The following PRPF39 variants were observed in gnomAD, a reference collection of about 807,000 sequenced individuals.
PRPF39 encodes pre-mRNA-processing factor 39.
Under a neutral mutation model 82.1 loss-of-function variants are expected in PRPF39, and 27 were observed. The observed-to-expected ratio is 0.33, with a 90% CI of 0.24 to 0.45. The LOEUF (loss-of-function observed/expected upper bound fraction) is 0.45, where lower values mean the gene tolerates loss of function less well. Among genes scored for constraint, PRPF39 ranks in the 20% least tolerant of loss-of-function variants. PRPF39 has a pLI of 1.00. For missense variants in PRPF39, 581 were observed against 796.9 expected (o/e 0.73, Z 3.26); for synonymous variants, 261 against 256.4 (o/e 1.02, Z -0.17).
chr14:45,098,156 T>C (rs1218462498), intron 4 of PRPF39, among the ~76,000 whole-genome samples: 1 of 152,200 alleles, frequency 6.6e-6, no homozygotes, highest in Non-Finnish European at 1.5e-5. Context: ...GGCTTATACC[T>C]GTAATCCCAG....
rs775641227 is a variant in PRPF39, at chr14:45,109,726, T to A, written c.1122T>A (p.Val374=). ...IENGTHERVV[V]LFERCVISCA... is the part of the protein sequence containing the mutation. ...ATGGGACTCATGAACGAGTTGTGGT[T>A]CTCTTTGAAAGATGTGTCATATCAT... The change falls in exon 8 of 14, where the codon GTT becomes GTA. Residue 374 remains valine, a synonymous_variant. Coordinates refer to ENST00000355765, the MANE Select transcript of PRPF39 (RefSeq NM_017922.4). 3.7e-6 allele frequency: 6 copies of A among 1,608,792 alleles called. No individual in the cohort carries two copies. The Admixed American group carries it at 1.0e-4, about 27-fold the overall frequency.
At chr14:45,114,382 T>C in intron 12 of PRPF39, 112 bp from the exon 13 acceptor site, 1 of 1,346,110 alleles carries the variant, frequency 7.4e-7, no homozygotes, top group Non-Finnish European at 1.0e-6. Flanking sequence ...TTTGAAAAAG[T>C]CTTGAGTGAT....
intron 4 of PRPF39, among the ~76,000 whole-genome samples, chr14:45,100,901 C>G (rs1884354412): frequency 1.3e-5 from 2 of 152,040 alleles, no homozygotes; most frequent in Admixed American, 6.6e-5. Context: ...TTTGTTCTAA[C>G]TTTTCTATAG....
intron 1 of PRPF39, among the ~76,000 whole-genome samples, chr14:45,084,821 T>C (rs1883770093): frequency 6.6e-6 from 1 of 152,196 alleles, no homozygotes; most frequent in Non-Finnish European, 1.5e-5. Flanking sequence ...TGCTTAAGAA[T>C]GTTTAACTTT....
intron 1 of PRPF39, among the ~76,000 whole-genome samples, chr14:45,092,571 C>T (rs1041202130): frequency 1.0e-4 from 15 of 146,766 alleles, no homozygotes; most frequent in Middle Eastern, 3.5e-3. Flanking sequence ...ACTGCACTCC[C>T]GCCTGGGTGA....
At chr14:45,095,018 C>T (rs1230348841) in intron 1 of PRPF39, among the ~76,000 whole-genome samples, 1 of 152,132 alleles carries the variant, frequency 6.6e-6, no homozygotes, top group Non-Finnish European at 1.5e-5. Context: ...ATACCAACAA[C>T]AAAATGGCAG....
chr14:45,091,715 A>G (rs1884033479), intron 1 of PRPF39, among the ~76,000 whole-genome samples: 1 of 152,344 alleles, frequency 6.6e-6, no homozygotes, highest in East Asian at 1.9e-4. Flanking sequence ...TTACTTACTC[A>G]TAGTTAAGGA....
intron 11 of PRPF39, 55 bp downstream of exon 11, chr14:45,112,557 G>C: frequency 7.2e-7 from 1 of 1,391,932 alleles, no homozygotes. Flanking sequence ...TGATATTTTT[G>C]TATGGGGATT....
intron 4 of PRPF39, 32 bp downstream of exon 4, chr14:45,097,037 T>A: frequency 6.7e-7 from 1 of 1,497,992 alleles, no homozygotes; most frequent in Non-Finnish European, 8.9e-7. Context: ...AAATGTTTTT[T>A]ATGATATAAA....
chr14:45,088,604 A>G (rs1883918639), intron 1 of PRPF39, among the ~76,000 whole-genome samples: 1 of 152,232 alleles, frequency 6.6e-6, no homozygotes, highest in South Asian at 2.1e-4. Context: ...GTACATTTAG[A>G]CAAGTTATTT....
At position 45,112,400 on chromosome 14, in the gene PRPF39, G is replaced by A. The variant is rs1884722858; in HGVS notation, c.1655G>A (p.Cys552Tyr). 8 of 1,579,752 alleles carry A rather than the reference G, an allele frequency of 5.1e-6. No individual in the cohort carries two copies. In the East Asian group the frequency reaches 1.1e-4, roughly 23 times the overall value. ...CAAAATGAAGAAAATATCCTAAATT[G>A]TTTTGACAAAGCTGTACATGGTTCA... ...LKQNEENILN[C>Y]FDKAVHGSLP... The change falls in exon 11 of 14, where the codon TGT (cysteine) becomes TAT (tyrosine). Residue 552 changes from cysteine (C) to tyrosine (Y), a missense_variant. Physicochemically the swap from Cys to Tyr is radical, Grantham distance 194. Transcript: ENST00000355765.
chr14:45,107,759 T>TTG, intron 6 of PRPF39, 143 bp downstream of exon 6: 1 of 779,340 alleles, frequency 1.3e-6, no homozygotes, highest in Non-Finnish European at 2.0e-6. Context: ...TGAAACCCTG[T>TTG]CTATACTAAA....
rs1178724100 is a variant in PRPF39 at position 45,114,270 on chromosome 14, T to TA, written c.1832+13_1832+14insA. 1 of 1,569,174 alleles carries TA rather than the reference T, an allele frequency of 6.4e-7. No individual in the cohort carries two copies. The highest frequency in any genetic ancestry group is 1.7e-5 in the Admixed American group (1 of 57,826). On this transcript the variant is annotated intron_variant, in intron 12 of 13. Transcript: ENST00000355765. ...AAGCAGAAAATGGGTATGTCACTTT[T>TA]TGCTAAGTCAAGAAGGCGTGCTTCA...
At chr14:45,090,347 A>T (rs1187475648) in intron 1 of PRPF39, among the ~76,000 whole-genome samples, 4 of 151,916 alleles carry the variant, frequency 2.6e-5, no homozygotes, top group Admixed American at 6.6e-5. Context: ...ACTACTTTGG[A>T]CTCTCTTTTA....
intron 1 of PRPF39, among the ~76,000 whole-genome samples, chr14:45,093,951 C>T (rs972282521): frequency 6.6e-6 from 1 of 152,096 alleles, no homozygotes; most frequent in East Asian, 1.9e-4. Flanking sequence ...CTGATTATTT[C>T]CATAGTATAA....
At chr14:45,107,756 C>A in intron 6 of PRPF39, 140 bp downstream of exon 6, 1 of 776,712 alleles carries the variant, frequency 1.3e-6, no homozygotes, top group Non-Finnish European at 2.0e-6. Flanking sequence ...TGGTGAAACC[C>A]TGTCTATACT....
In PRPF39 at chr14:45,112,434, T is replaced by C; in HGVS notation, c.1689T>C (p.Ile563=). The change falls in exon 11 of 14, where the codon ATT becomes ATC. Residue 563 remains isoleucine (I), a synonymous_variant. Coordinates refer to ENST00000355765, the MANE Select transcript of PRPF39 (RefSeq NM_017922.4). ...FDKAVHGSLP[I]KMRITFSQRK... is the part of the protein sequence containing the mutation. ...AAGCTGTACATGGTTCATTACCTAT[T>C]AAAATGAGAATTACATTTTCTCAGA... 3 of 1,544,384 alleles carry C rather than the reference T, an allele frequency of 1.9e-6. No individual in the cohort carries two copies. The highest frequency in any genetic ancestry group is 2.6e-6 in the Non-Finnish European group (3 of 1,155,096).
In PRPF39 at chr14:45,110,958, T is replaced by A; in HGVS notation, c.1572+141T>A. The A allele has an allele frequency of 2.4e-6, 2 of 834,638 alleles. No homozygotes were observed. The highest frequency in any genetic ancestry group is 1.8e-6 in the Non-Finnish European group (1 of 559,468). The allele number at this position is 834,638 out of a possible 1,614,324, so 51.7% of individuals were successfully genotyped here. Reference sequence around the variant, plus strand: ...AATGAGGACAACAGTCCCTCTAAACTGATGTTGCCATTTAAAAATTTTTTT... The same window carrying A: ...AATGAGGACAACAGTCCCTCTAAACAGATGTTGCCATTTAAAAATTTTTTT... On this transcript the variant is annotated intron_variant, in intron 10 of 13. Transcript: ENST00000355765. The surrounding 1 kb of genome is among the most constrained non-coding windows in gnomAD (Gnocchi z 4.0).
chr14:45,088,325 A>G, intron 1 of PRPF39: 1 of 164,344 alleles, frequency 6.1e-6, no homozygotes, highest in South Asian at 1.6e-4. Context: ...AAAAAAAATT[A>G]AAAAGCAAAC....
Sources: gnomAD v4.1 joint callset for allele counts (sites outside exome capture counted in the v4.1 genomes callset) on GRCh38, gnomAD v4.1.1 for gene constraint, Gnocchi (gnomAD v3.1) non-coding constraint, MANE v1.5 for transcripts, NCBI Gene and HGNC (gene_info 2026-07-23, HGNC 2026-07-21) for gene names.